ITGAE: variants seen among roughly 807,000 people sequenced by gnomAD.
The protein encoded by ITGAE is integrin alpha-E.
Under a neutral mutation model 136.5 loss-of-function variants are expected in ITGAE, and 99 were observed. The observed-to-expected ratio is 0.73, with a 90% CI of 0.62 to 0.86. ITGAE has a LOEUF of 0.86. Among genes scored for constraint, ITGAE ranks in the 40% least tolerant of loss-of-function variants. The pLI is 0.00. For synonymous variants in ITGAE, 613 were observed against 591.8 expected (o/e 1.04, Z -0.52); for missense variants, 1,447 against 1,515.3 (o/e 0.95, Z 0.75).
At chr17:3,800,956 C>T (rs557899035) in intron 1 of ITGAE, among the ~76,000 whole-genome samples, 155 bp downstream of exon 1, 112 of 152,344 alleles carry the variant, frequency 7.4e-4, no homozygotes, top group Non-Finnish European at 1.1e-3. Flanking sequence ...CCTGACCCAC[C>T]GAGCAAGACT....
rs770049609 is a variant in ITGAE at position 3,720,406 on chromosome 17, G to A, written c.3238-4C>T. 9 of 1,306,418 alleles carry A rather than the reference G, an allele frequency of 6.9e-6. No individual in the cohort carries two copies. The highest frequency in any genetic ancestry group is 2.3e-5 in the East Asian group (1 of 43,458). 80.9% of individuals were successfully genotyped at this position (1,306,418 alleles called of 1,614,324 possible). A position where few individuals can be genotyped will look rare whatever the true frequency, so the allele number is the denominator to read the frequency against. On this transcript the variant is annotated splice_polypyrimidine_tract_variant and splice_region_variant and intron_variant, in intron 28 of 30. Transcript: ENST00000263087. Reference sequence around the variant, plus strand: ...GTTCAGTTACATCTTTTAGTAACTAGAAGATGGGGAAAGGAATGAGGGAAA... The same window carrying A: ...GTTCAGTTACATCTTTTAGTAACTAAAAGATGGGGAAAGGAATGAGGGAAA...
chr17:3,800,481 G>A (rs575585944), intron 1 of ITGAE, among the ~76,000 whole-genome samples: 25 of 152,314 alleles, frequency 1.6e-4, no homozygotes, highest in East Asian at 5.8e-4. Flanking sequence ...GGGGGCCCCC[G>A]AAAGGACTCA....
chr17:3,784,095 C>T (rs977821560), intron 1 of ITGAE, among the ~76,000 whole-genome samples: 1 of 151,938 alleles, frequency 6.6e-6, no homozygotes, highest in Non-Finnish European at 1.5e-5. Context: ...CCCGTCTCTA[C>T]TAAAAATACA....
At chr17:3,759,135 A>AG (rs2052102089) in intron 8 of ITGAE, among the ~76,000 whole-genome samples, 6 of 125,444 alleles carry the variant, frequency 4.8e-5, no homozygotes. Flanking sequence ...AAAAAAAAAA[A>AG]CAAAAAAAAA....
intron 19 of ITGAE, 24 bp downstream of exon 19, chr17:3,743,465 G>A (rs759230890): frequency 6.4e-7 from 1 of 1,565,244 alleles, no homozygotes; most frequent in Non-Finnish European, 8.6e-7. Flanking sequence ...AAGAGGGCTG[G>A]GTACTGGCTG....
At chr17:3,725,557 A>G in intron 26 of ITGAE, 1 of 1,614,238 alleles carries the variant, frequency 6.2e-7, no homozygotes, top group Non-Finnish European at 8.5e-7. Context: ...ATCTCCAAAG[A>G]GTTGAGCCTC....
chr17:3,774,721 C>T (rs1396316682), intron 2 of ITGAE, among the ~76,000 whole-genome samples: 1 of 152,082 alleles, frequency 6.6e-6, no homozygotes, highest in Non-Finnish European at 1.5e-5. Context: ...GCTGAGATTA[C>T]ACCACTGCAC....
chr17:3,727,824 T>C lies in ITGAE; in HGVS notation c.3084+95A>G, dbSNP rs2915558. On this transcript the variant is annotated intron_variant, in intron 26 of 30. Transcript: ENST00000263087. ...CTAATCTTTTCCCATGGTTAACTTG[T>C]CTTCACTCTGTTTCTAGAACTCTGG... is the stretch of plus-strand genomic sequence containing the variant. 0.32 allele frequency: 259,451 copies of C among 811,690 alleles called. 47,284 individuals are homozygous for C. Among genetic ancestry groups the C allele is most frequent in the African/African-American group, 0.65 (37,871 of 58,440 alleles). 50.3% of individuals were successfully genotyped at this position (811,690 alleles called of 1,614,324 possible). A position where few individuals can be genotyped will look rare whatever the true frequency, so the allele number is the denominator to read the frequency against.
Position 3,756,990 on chromosome 17 carries a change from T to A in ITGAE, c.1165A>T (p.Met389Leu). Residue 389 changes from methionine (M) to leucine (L), a missense_variant, in exon 10 of 31, where the codon ATG (methionine) becomes TTG (leucine). Met to Leu is a conservative substitution (Grantham distance 15, BLOSUM62 2). Coordinates refer to ENST00000263087, the MANE Select transcript of ITGAE (RefSeq NM_002208.5). ...LSKLRYNIIS[M>L]EGTVGDALHY... ...TGGGTCCCGGAGCCCTCACCTTCCA[T>A]GCTGATGATGTTGTACCGCAGTTTG... 6.2e-7 allele frequency: 1 copy of A among 1,613,678 alleles called. No homozygotes were observed. Among genetic ancestry groups the A allele is most frequent in the Non-Finnish European group, 8.5e-7 (1 of 1,179,742 alleles).
At chr17:3,750,214 G>T in intron 16 of ITGAE, 138 bp downstream of exon 16, 1 of 1,242,672 alleles carries the variant, frequency 8.0e-7, no homozygotes, top group Non-Finnish European at 1.1e-6. Context: ...AACCCAGACG[G>T]GCAGACTCCA....
In ITGAE at chr17:3,720,344, A is replaced by G. The variant is rs2051023908; in HGVS notation, c.3296T>C (p.Leu1099Pro). The change falls in exon 29 of 31, where the codon CTA (leucine) becomes CCA (proline). Residue 1099 changes from leucine to proline, a missense_variant. By Grantham distance (98) the Leu-to-Pro change is moderately conservative. This residue lies in a region of ITGAE where 1,031 missense variants were observed against 1,011.4 expected (regional missense o/e 1.02). Transcript: ENST00000263087. ...ILGEISFNKS[L>P]YEGLNAENHR... ...GTTCTCTGCATTCAGTCCCTCATAT[A>G]GAGATTTGTTGAAAGATATTTCACC... The G allele has an allele frequency of 6.3e-7, 1 of 1,591,940 alleles. No homozygotes were observed. The highest frequency in any genetic ancestry group is 1.7e-5 in the Admixed American group (1 of 59,934).
intron 2 of ITGAE, among the ~76,000 whole-genome samples, chr17:3,777,150 A>T (rs1422281030): frequency 6.6e-6 from 1 of 151,852 alleles, no homozygotes; most frequent in African/African-American, 2.4e-5. Context: ...TTTAGTAGAG[A>T]CAGGGTTTCA....
chr17:3,756,126 A>G (rs1249540031), intron 10 of ITGAE, among the ~76,000 whole-genome samples: 4 of 151,208 alleles, frequency 2.6e-5, no homozygotes, highest in Non-Finnish European at 5.9e-5. Context: ...GGGAGAAGGG[A>G]CTATGCCCCA....
rs569121420 is a variant in ITGAE, at chr17:3,767,199, C to T, written c.156-3239G>A. 2.8e-4 allele frequency among the ~76,000 whole-genome samples: 43 copies of T among 152,018 alleles called. 2 individuals carry two copies. The South Asian group carries it at 5.0e-3, about 18-fold the overall frequency. On this transcript the variant is annotated intron_variant, in intron 2 of 30. Transcript: ENST00000263087. ...GCAACCTCCACCTCCTGGGTTCAGGCGATTCTCCTGCCTTGGCCTCCCAAA... is the reference window on the plus strand; with the variant it reads ...GCAACCTCCACCTCCTGGGTTCAGGTGATTCTCCTGCCTTGGCCTCCCAAA...
At chr17:3,719,499 C>T (rs2051008238) in intron 29 of ITGAE, among the ~76,000 whole-genome samples, 2 of 152,076 alleles carry the variant, frequency 1.3e-5, no homozygotes, top group African/African-American at 2.4e-5. Flanking sequence ...AGAATGAAAA[C>T]ACAGGGTAAC....
At chr17:3,797,961 A>G (rs2053161328) in intron 1 of ITGAE, among the ~76,000 whole-genome samples, 1 of 151,946 alleles carries the variant, frequency 6.6e-6, no homozygotes, top group South Asian at 2.1e-4. Context: ...CTCAGCAGGA[A>G]CTCCAAGCTC....
intron 16 of ITGAE, among the ~76,000 whole-genome samples, chr17:3,748,891 G>T (rs1458890767): frequency 6.6e-6 from 1 of 152,184 alleles, no homozygotes; most frequent in Non-Finnish European, 1.5e-5. Flanking sequence ...GCCACGAAGA[G>T]CCCTGTAAAG....
Position 3,799,710 on chromosome 17 carries a change from A to G in ITGAE, c.34+1401T>C, listed in dbSNP as rs1165540622. The stretch of plus-strand genomic sequence containing the variant: ...GAGATCAAAGCCACAAGCCATAAAA[A>G]GAGTGAGACTCTCTCCACACCCCAC... On this transcript the variant is annotated intron_variant, in intron 1 of 30. Coordinates refer to ENST00000263087, the MANE Select transcript of ITGAE (RefSeq NM_002208.5). This position sits in a 1 kb window ranked among gnomAD's most constrained non-coding sequence, Gnocchi z 4.1. Among the ~76,000 whole-genome samples, 2 of 152,242 alleles carry G rather than the reference A, an allele frequency of 1.3e-5. No homozygotes were observed. Among genetic ancestry groups the G allele is most frequent in the African/African-American group, 4.8e-5 (2 of 41,468 alleles).
At chr17:3,766,244 C>T (rs1324124599) in intron 2 of ITGAE, among the ~76,000 whole-genome samples, 1 of 152,074 alleles carries the variant, frequency 6.6e-6, no homozygotes, top group East Asian at 1.9e-4. Flanking sequence ...CCAGAAGCCC[C>T]CAGGGCTGTC....
Sources: allele counts gnomAD v4.1 joint callset (sites outside exome capture counted in the v4.1 genomes callset), GRCh38; gene constraint gnomAD v4.1.1; regional missense constraint gnomAD v4.1.1; non-coding constraint Gnocchi (gnomAD v3.1); transcripts MANE v1.5; gene names NCBI Gene and HGNC (gene_info 2026-07-23, HGNC 2026-07-21).